The following MAGI1 variants were observed in gnomAD, a reference collection of about 807,000 sequenced individuals.
MAGI1 encodes membrane-associated guanylate kinase, WW and PDZ domain-containing protein 1.
A neutral mutation model predicts 139.9 loss-of-function variants in MAGI1; 58 were observed. The ratio of observed to expected loss-of-function variants is 0.41; its 90% confidence interval spans 0.34 to 0.52. The LOEUF is 0.52. MAGI1 is among the 20% of genes least tolerant of loss of function. The probability of loss-of-function intolerance (pLI) is 0.12; values close to 1 mark genes in which losing one functional copy is unlikely to be tolerated. For missense variants in MAGI1, 1,874 were observed against 1,901.6 expected (o/e 0.99, Z 0.27); for synonymous variants, 812 against 737.9 (o/e 1.10, Z -1.63).
intron 1 of MAGI1, among the ~76,000 whole-genome samples, chr3:65,983,735 A>G (rs7624164): frequency 0.78 from 118,308 of 152,040 alleles, 46,406 homozygotes; most frequent in East Asian, 0.95. Context: ...CCTCCTAGAG[A>G]GAACATTAGT....
intron 2 of MAGI1, among the ~76,000 whole-genome samples, chr3:65,547,580 C>A (rs116331795): frequency 0.021 from 3,145 of 152,196 alleles, 104 homozygotes; most frequent in African/African-American, 0.072. Flanking sequence ...CCACTTTCTG[C>A]AAAGAAGCAG....
At chr3:65,837,135 AAC>A (rs2042855638) in intron 1 of MAGI1, among the ~76,000 whole-genome samples, 1 of 152,158 alleles carries the variant, frequency 6.6e-6, no homozygotes, top group African/African-American at 2.4e-5. Context: ...AAAAATAAAA[AAC>A]ACAGAACTTG....
intron 2 of MAGI1, among the ~76,000 whole-genome samples, chr3:65,590,428 C>T (rs1221741618): frequency 6.6e-6 from 1 of 152,182 alleles, no homozygotes; most frequent in Non-Finnish European, 1.5e-5. Flanking sequence ...CCTTGTATAA[C>T]TGTAAAGAAA....
intron 1 of MAGI1, among the ~76,000 whole-genome samples, chr3:66,022,834 AT>A (rs1398614090): frequency 6.6e-6 from 1 of 152,220 alleles, no homozygotes; most frequent in Non-Finnish European, 1.5e-5. Flanking sequence ...TGCTCTGCTA[AT>A]CCTAACTGAA....
At chr3:65,535,925 T>A (rs1332151908) in intron 2 of MAGI1, among the ~76,000 whole-genome samples, 1 of 152,174 alleles carries the variant, frequency 6.6e-6, no homozygotes, top group African/African-American at 2.4e-5. Context: ...TTGAATTTTT[T>A]AAAATATAGA....
At chr3:65,459,906 C>A (rs796444141) in intron 5 of MAGI1, among the ~76,000 whole-genome samples, 2 of 151,996 alleles carry the variant, frequency 1.3e-5, no homozygotes, top group African/African-American at 4.8e-5. Context: ...ACATGGGCAA[C>A]AGGAGTGAGA....
intron 1 of MAGI1, among the ~76,000 whole-genome samples, chr3:65,922,436 C>T (rs1487725520): frequency 1.3e-5 from 2 of 150,098 alleles, no homozygotes; most frequent in African/African-American, 4.9e-5. Flanking sequence ...GACATGGACA[C>T]ACACAGAAGG....
At chr3:65,827,010 C>CCAT (rs10678962) in intron 1 of MAGI1, among the ~76,000 whole-genome samples, 1 of 151,672 alleles carries the variant, frequency 6.6e-6, no homozygotes, top group Middle Eastern at 3.2e-3. Context: ...TCTGCTGCTC[C>CCAT]AACAATGTTT....
intron 2 of MAGI1, among the ~76,000 whole-genome samples, chr3:65,612,358 C>G (rs2083168154): frequency 6.6e-6 from 1 of 152,008 alleles, no homozygotes; most frequent in African/African-American, 2.4e-5. Flanking sequence ...CTCCCTCCTC[C>G]CACACATAAT....
chr3:65,682,561 T>C (rs1393344623), intron 1 of MAGI1, among the ~76,000 whole-genome samples: 1 of 152,186 alleles, frequency 6.6e-6, no homozygotes, highest in Non-Finnish European at 1.5e-5. Flanking sequence ...ACTAAGTCAG[T>C]TGTGACCTTT....
At chr3:65,405,928 A>G (rs576837193) in intron 12 of MAGI1, among the ~76,000 whole-genome samples, 1 of 151,750 alleles carries the variant, frequency 6.6e-6, no homozygotes, top group Non-Finnish European at 1.5e-5. Context: ...GGGTTTCACC[A>G]TGTTGGTAAG....
chr3:65,645,255 A>G (rs2085197617), intron 1 of MAGI1, among the ~76,000 whole-genome samples: 1 of 152,102 alleles, frequency 6.6e-6, no homozygotes, highest in Non-Finnish European at 1.5e-5. Flanking sequence ...ACACCAAAAT[A>G]TACTCAAATT....
intron 22 of MAGI1, among the ~76,000 whole-genome samples, chr3:65,358,050 T>C (rs1185309118): frequency 6.6e-6 from 1 of 152,134 alleles, no homozygotes; most frequent in Admixed American, 6.5e-5. Context: ...CTTTATGACA[T>C]GGGAGGCAGT....
At chr3:65,792,695 A>G (rs914072308) in intron 1 of MAGI1, among the ~76,000 whole-genome samples, 1 of 152,142 alleles carries the variant, frequency 6.6e-6, no homozygotes, top group Non-Finnish European at 1.5e-5. Context: ...GGTCCGATGG[A>G]CAATGGGAGG....
At chr3:65,651,400 C>G (rs1400040153) in intron 1 of MAGI1, among the ~76,000 whole-genome samples, 4 of 152,172 alleles carry the variant, frequency 2.6e-5, no homozygotes, top group South Asian at 4.1e-4. Flanking sequence ...ATACTCCATG[C>G]AAGTCCAAAT....
intron 1 of MAGI1, among the ~76,000 whole-genome samples, chr3:66,033,031 T>C (rs1354651966): frequency 6.6e-6 from 1 of 151,548 alleles, no homozygotes; most frequent in East Asian, 1.9e-4. Context: ...GGAGCTATCT[T>C]TTGTGTGTGT....
chr3:65,429,399 T>C (rs935328416), intron 12 of MAGI1, 121 bp downstream of exon 12: 9 of 1,044,542 alleles, frequency 8.6e-6, no homozygotes, highest in South Asian at 4.9e-5. Context: ...GAGAAATCAG[T>C]AGGCATTTTG....
At position 65,510,441 on chromosome 3, in the gene MAGI1, AT is replaced by A. The variant is rs1174670411; in HGVS notation, c.431-16811del. On this transcript the variant is annotated intron_variant, in intron 2 of 22. Transcript: ENST00000402939. Reference sequence around the variant, plus strand: ...GAAGAATGTATAACTAGAATAACCAATACAGAGAAGTGCTTAAAGGAGCTGA... The same window carrying A: ...GAAGAATGTATAACTAGAATAACCAAACAGAGAAGTGCTTAAAGGAGCTGA... Among the ~76,000 whole-genome samples the A allele has an allele frequency of 6.1e-5, 9 of 148,004 alleles. No individual in the cohort carries two copies. The East Asian group carries it at 1.8e-3, about 30-fold the overall frequency.
At chr3:65,722,175 C>T (rs984499515) in intron 1 of MAGI1, among the ~76,000 whole-genome samples, 21 of 152,126 alleles carry the variant, frequency 1.4e-4, no homozygotes, top group African/African-American at 5.1e-4. Context: ...TGGAATATTT[C>T]TACTTTGAAT....
Sources: gnomAD v4.1 joint callset for allele counts (sites outside exome capture counted in the v4.1 genomes callset) on GRCh38, gnomAD v4.1.1 for gene constraint, MANE v1.5 for transcripts, NCBI Gene and HGNC (gene_info 2026-07-23, HGNC 2026-07-21) for gene names.